The following GRK3 variants were observed in gnomAD, a reference collection of about 807,000 sequenced individuals.
GRK3 encodes adrenergic, beta, receptor kinase 2.
In GRK3, 54 loss-of-function variants were observed where a neutral mutation model predicts 95.7. The observed-to-expected ratio is 0.56, with a 90% CI of 0.45 to 0.71. The LOEUF (loss-of-function observed/expected upper bound fraction) is 0.71. GRK3 is among the 30% of genes least tolerant of loss of function. GRK3 has a pLI of 0.00. For missense variants in GRK3, 649 were observed against 851.2 expected, an observed-to-expected ratio of 0.76 and a Z score of 2.96; for synonymous variants, 281 against 290.8, an observed-to-expected ratio of 0.97 and a Z score of 0.34.
intron 2 of GRK3, among the ~76,000 whole-genome samples, chr22:25,641,625 G>A (rs919302402): frequency 7.2e-5 from 11 of 152,184 alleles, no homozygotes; most frequent in Non-Finnish European, 1.3e-4. Context: ...CAGTGAGAAT[G>A]AATGAGAATC....
intron 13 of GRK3, 52 bp from the exon 14 acceptor site, chr22:25,703,458 T>C (rs551292130): frequency 7.2e-7 from 1 of 1,390,804 alleles, no homozygotes; most frequent in East Asian, 2.3e-5. Flanking sequence ...CAGTGATATG[T>C]TCTATATCAC....
intron 12 of GRK3, 89 bp from the exon 13 acceptor site, chr22:25,695,018 C>A (rs1394530887): frequency 2.4e-6 from 2 of 825,420 alleles, no homozygotes; most frequent in Non-Finnish European, 4.0e-6. Context: ...TCGCTGCCAT[C>A]TAATGAAGGA....
chr22:25,677,377 T>TGAAA (rs2085038610), intron 8 of GRK3, among the ~76,000 whole-genome samples: 6 of 42,550 alleles, frequency 1.4e-4, no homozygotes, highest in African/African-American at 6.2e-4. Context: ...CCCCATATCT[T>TGAAA]AAAAAAAAAA....
At chr22:25,625,910 G>A (rs187480165) in intron 2 of GRK3, among the ~76,000 whole-genome samples, 15 of 152,298 alleles carry the variant, frequency 9.8e-5, no homozygotes, top group Admixed American at 3.3e-4. Context: ...CCTATCATTG[G>A]AGATGACTCA....
chr22:25,586,488 T>C (rs1167869886), intron 1 of GRK3, among the ~76,000 whole-genome samples: 1 of 152,270 alleles, frequency 6.6e-6, no homozygotes, highest in Non-Finnish European at 1.5e-5. Context: ...TAAATATATC[T>C]ACCTACTGTG....
chr22:25,720,435 A>G (rs1249325343), intron 19 of GRK3, among the ~76,000 whole-genome samples: 2 of 147,638 alleles, frequency 1.4e-5, no homozygotes, highest in South Asian at 4.3e-4. Flanking sequence ...TCATGACACT[A>G]TAGCATTCAC....
chr22:25,623,638 A>G (rs1171868855), intron 2 of GRK3, among the ~76,000 whole-genome samples: 1 of 152,230 alleles, frequency 6.6e-6, no homozygotes, highest in Non-Finnish European at 1.5e-5. Context: ...ACACACCTGT[A>G]TTCATGCACA....
intron 2 of GRK3, among the ~76,000 whole-genome samples, chr22:25,636,096 A>C (rs776778599): frequency 2.0e-5 from 3 of 152,116 alleles, no homozygotes; most frequent in Non-Finnish European, 4.4e-5. Flanking sequence ...ATCATCCTAC[A>C]AGTGCTTGCT....
chr22:25,684,459 T>C (rs917400898), intron 9 of GRK3: 7 of 152,236 alleles, frequency 4.6e-5, no homozygotes, highest in African/African-American at 1.7e-4. Flanking sequence ...TATTGAGTCC[T>C]TGGTCATGAT....
chr22:25,567,838 G>T (rs1931544912), intron 1 of GRK3, among the ~76,000 whole-genome samples: 1 of 152,152 alleles, frequency 6.6e-6, no homozygotes, highest in Non-Finnish European at 1.5e-5. Flanking sequence ...GAAATATCTA[G>T]CTAATTTAAA....
At chr22:25,658,942 C>T (rs1283016294) in intron 3 of GRK3, among the ~76,000 whole-genome samples, 1 of 152,034 alleles carries the variant, frequency 6.6e-6, no homozygotes, top group Non-Finnish European at 1.5e-5. Flanking sequence ...ATTTGAGATG[C>T]TTTCTAGATA....
At chr22:25,612,816 A>C (rs939893362) in intron 2 of GRK3, among the ~76,000 whole-genome samples, 1 of 151,756 alleles carries the variant, frequency 6.6e-6, no homozygotes, top group African/African-American at 2.4e-5. Flanking sequence ...AAAAGAATAC[A>C]TTGATAAAAA....
At chr22:25,619,711 C>T (rs1244758462) in intron 2 of GRK3, among the ~76,000 whole-genome samples, 1 of 119,872 alleles carries the variant, frequency 8.3e-6, no homozygotes, top group African/African-American at 3.3e-5. Context: ...AGGCTGGTTT[C>T]GAACTCCTGG....
At chr22:25,691,836 T>A (rs1030497013) in intron 12 of GRK3, among the ~76,000 whole-genome samples, 2 of 152,240 alleles carry the variant, frequency 1.3e-5, no homozygotes, top group Non-Finnish European at 2.9e-5. Flanking sequence ...GCTGTTCTTT[T>A]GCCTGCTCTG....
chr22:25,652,324 A>T (rs1029494727), intron 3 of GRK3, among the ~76,000 whole-genome samples: 12 of 152,142 alleles, frequency 7.9e-5, no homozygotes, highest in Admixed American at 7.2e-4. Flanking sequence ...CCAGCTACTC[A>T]GGAGGCTGAG....
chr22:25,687,908 T>C (rs143814347), intron 11 of GRK3, among the ~76,000 whole-genome samples: 26 of 152,344 alleles, frequency 1.7e-4, no homozygotes, highest in African/African-American at 5.8e-4. Context: ...CTGCAGCACG[T>C]ATACTAAGCC....
Position 25,625,152 on chromosome 22 carries a change from G to A in GRK3, c.191-19440G>A, listed in dbSNP as rs1208300073. Among the ~76,000 whole-genome samples, 46 of 152,182 alleles carry A rather than the reference G, an allele frequency of 3.0e-4. 1 individual carries two copies. The highest frequency in any genetic ancestry group is 2.1e-4 in the Non-Finnish European group (14 of 68,002). On this transcript the variant is annotated intron_variant, in intron 2 of 20. Transcript: ENST00000324198. ...GTGGGCGGCAAGCCACCCAGGCACC[G>A]AGGCAAGAGACCGAGGACACGAGCT...
chr22:25,608,376 A>G lies in GRK3; in HGVS notation c.190+3923A>G, dbSNP rs190484467. 7.2e-5 allele frequency among the ~76,000 whole-genome samples: 11 copies of G among 152,322 alleles called. 1 individual carries two copies. In the East Asian group the frequency reaches 2.1e-3, roughly 29 times the overall value. On this transcript the variant is annotated intron_variant, in intron 2 of 20. Coordinates refer to ENST00000324198, the MANE Select transcript of GRK3 (RefSeq NM_005160.4). ...ATTTTAATTAGAAAGGTACGTGTTC[A>G]TGGTGCAGCCTCATGACCCTTGCCT...
intron 15 of GRK3, among the ~76,000 whole-genome samples, chr22:25,707,546 A>G (rs1161600060): frequency 6.6e-6 from 1 of 152,216 alleles, no homozygotes; most frequent in African/African-American, 2.4e-5. Context: ...AGACAGGTCC[A>G]GATAGTGAGA....
Sources: gnomAD v4.1 joint callset for allele counts (sites outside exome capture counted in the v4.1 genomes callset) on GRCh38, gnomAD v4.1.1 for gene constraint, MANE v1.5 for transcripts, NCBI Gene and HGNC (gene_info 2026-07-23, HGNC 2026-07-21) for gene names.